Variants in MAPK8IP1 observed in about 807,000 individuals in gnomAD.
MAPK8IP1 encodes C-Jun-amino-terminal kinase-interacting protein 1.
MAPK8IP1 carries 17 observed loss-of-function variants against 72.6 expected under a neutral mutation model. The observed-to-expected ratio is 0.23, with a 90% confidence interval of 0.16 to 0.35. MAPK8IP1 has a LOEUF of 0.35. MAPK8IP1 is among the 10% of genes least tolerant of loss of function. The pLI is 1.00. For synonymous variants in MAPK8IP1, 401 were observed against 443.4 expected (o/e 0.90, Z 1.20); for missense variants, 789 against 1,009.7 (o/e 0.78, Z 2.96).
intron 1 of MAPK8IP1, chr11:45,897,071 G>T: frequency 1.9e-6 from 2 of 1,034,106 alleles, no homozygotes; most frequent in Non-Finnish European, 2.9e-6. Context: ...GTTCCCCTGG[G>T]GGCTAAGCCA....
intron 1 of MAPK8IP1, among the ~76,000 whole-genome samples, chr11:45,892,940 A>G (rs1293269460): frequency 6.6e-6 from 1 of 152,180 alleles, no homozygotes; most frequent in Non-Finnish European, 1.5e-5. Context: ...CTGAGAACTC[A>G]CTGGGAGCCA....
At chr11:45,890,032 C>G (rs1019089781) in intron 1 of MAPK8IP1, among the ~76,000 whole-genome samples, 3 of 152,180 alleles carry the variant, frequency 2.0e-5, no homozygotes, top group African/African-American at 7.2e-5. Context: ...CTCAGCGGGT[C>G]TAGACAGGCC....
At position 45,905,729 on chromosome 11, in the gene MAPK8IP1, G is replaced by C; in HGVS notation, c.*8G>C. On this transcript the variant is annotated 3_prime_UTR_variant, in exon 12 of 12. Coordinates refer to ENST00000241014, the MANE Select transcript of MAPK8IP1 (RefSeq NM_005456.4). Reference sequence around the variant, plus strand: ...GATATCTACCTGGAGTAGCTGTGCAGCCCCGCCCTCTGCGTCCCCCAGCCC... The same window carrying C: ...GATATCTACCTGGAGTAGCTGTGCACCCCCGCCCTCTGCGTCCCCCAGCCC... 1.9e-6 allele frequency: 3 copies of C among 1,612,764 alleles called. No homozygotes were observed. The Middle Eastern group carries it at 5.3e-4, about 284-fold the overall frequency.
chr11:45,903,104 A>T lies in MAPK8IP1; in HGVS notation c.1337A>T (p.Asp446Val). 6.2e-7 allele frequency: 1 copy of T among 1,610,424 alleles called. No homozygotes were observed. The highest frequency in any genetic ancestry group is 8.5e-7 in the Non-Finnish European group (1 of 1,179,202). The change falls in exon 5 of 12, where the codon GAC becomes GTC. Residue 446 changes from aspartate to valine, a missense_variant. This residue lies in a region of MAPK8IP1 where 377 missense variants were observed against 411.7 expected (regional missense o/e 0.92). Coordinates refer to ENST00000241014, the MANE Select transcript of MAPK8IP1 (RefSeq NM_005456.4). The surrounding 1 kb of genome is among the most constrained non-coding windows in gnomAD (Gnocchi z 6.4). ...CAGCCCCCTGCCTGCCTCTCCGAGG[A>T]CTCCACGCCTGATGAACCCGACGTC... ...RPQPPACLSE[D>V]STPDEPDVHF...
chr11:45,897,626 T>TGGGGCACTCCTCTGAGGCTGCTGCC (rs1215751112), intron 1 of MAPK8IP1, among the ~76,000 whole-genome samples: 1 of 152,188 alleles, frequency 6.6e-6, no homozygotes, highest in African/African-American at 2.4e-5. Context: ...AGCTGGGGCG[T>TGGGGCACTCCTCTGAGGCTGCTGCC]GGGGCACTCC....
chr11:45,904,744 G>A lies in MAPK8IP1; in HGVS notation c.1803G>A (p.Val601=), dbSNP rs1434148840. 10 of 1,613,856 alleles carry A rather than the reference G, an allele frequency of 6.2e-6. No homozygotes were observed. The Admixed American group carries it at 1.3e-4, about 22-fold the overall frequency. The part of the protein sequence containing the change: ...QKIATTRRLT[V]HFNPPSSCVL... ...TTGCCACCACCCGCCGGCTCACCGT[G>A]CACTTTAACCCGCCCTCCAGCTGTG... is the stretch of plus-strand genomic sequence containing the variant. The change falls in exon 9 of 12, where the codon GTG becomes GTA. Residue 601 remains valine (V), a synonymous_variant. Transcript: ENST00000241014. This position sits in a 1 kb window ranked among gnomAD's most constrained non-coding sequence, Gnocchi z 6.4.
chr11:45,902,235 GGCCCCAGAGCCTGCGAAGGGCCTGTT>G lies in MAPK8IP1; in HGVS notation c.605-132_605-107del. 1.0e-6 allele frequency: 1 copy of G among 976,342 alleles called. No homozygotes were observed. Among genetic ancestry groups the G allele is most frequent in the Non-Finnish European group, 1.6e-6 (1 of 617,204 alleles). 60.5% of individuals were successfully genotyped at this position (976,342 alleles called of 1,614,324 possible). A position where few individuals can be genotyped will look rare whatever the true frequency, so the allele number is the denominator to read the frequency against. On this transcript the variant is annotated intron_variant, in intron 4 of 11. Coordinates refer to ENST00000241014, the MANE Select transcript of MAPK8IP1 (RefSeq NM_005456.4). This position sits in a 1 kb window ranked among gnomAD's most constrained non-coding sequence, Gnocchi z 9.3. ...CAGTGGTGGCATGAGTGAGTTGACT[GGCCCCAGAGCCTGCGAAGGGCCTGTT>G]GCCCAGGGAGGCTTTGTCTTGGTTT...
chr11:45,902,249 C>A lies in MAPK8IP1; in HGVS notation c.605-123C>A, dbSNP rs75998606. 6,918 of 1,014,258 alleles carry A rather than the reference C, an allele frequency of 6.8e-3. 284 individuals carry two copies. The African/African-American group carries it at 0.093, about 14-fold the overall frequency. The allele number at this position is 1,014,258 out of a possible 1,614,324, so 62.8% of individuals were successfully genotyped here. A position where few individuals can be genotyped will look rare whatever the true frequency, so the allele number is the denominator to read the frequency against. ...GTGAGTTGACTGGCCCCAGAGCCTG[C>A]GAAGGGCCTGTTGCCCAGGGAGGCT... On this transcript the variant is annotated intron_variant, in intron 4 of 11. Transcript: ENST00000241014. This position sits in a 1 kb window ranked among gnomAD's most constrained non-coding sequence, Gnocchi z 9.3.
chr11:45,905,056 GA>G lies in MAPK8IP1; in HGVS notation c.1964+16del. 1.2e-6 allele frequency: 2 copies of G among 1,614,098 alleles called. No homozygotes were observed. Among genetic ancestry groups the G allele is most frequent in the Non-Finnish European group, 1.7e-6 (2 of 1,180,000 alleles). On this transcript the variant is annotated intron_variant, in intron 10 of 11. Transcript: ENST00000241014. ...AAGAACAACAAGTAAGTGGGGGTGG[GA>G]TGGCAGTGGAGGAGGCACGGGTGGT...
chr11:45,906,265 T>C lies in MAPK8IP1; in HGVS notation c.*544T>C. On this transcript the variant is annotated 3_prime_UTR_variant, in exon 12 of 12. Coordinates refer to ENST00000241014, the MANE Select transcript of MAPK8IP1 (RefSeq NM_005456.4). ...AGTCCCTGTTCTCAGCTCCGTCATC[T>C]GCGGGGCTTCTGGGTGGCTCCTGCC... The C allele has an allele frequency of 2.9e-6, 1 of 339,298 alleles. No homozygotes were observed. The highest frequency in any genetic ancestry group is 5.4e-6 in the Non-Finnish European group (1 of 186,638). The allele number at this position is 339,298 out of a possible 1,614,324, so 21.0% of individuals were successfully genotyped here.
intron 1 of MAPK8IP1, among the ~76,000 whole-genome samples, chr11:45,897,198 C>G (rs1179992027): frequency 1.3e-5 from 2 of 151,724 alleles, no homozygotes; most frequent in African/African-American, 2.4e-5. Flanking sequence ...TGTTCTACCC[C>G]CCCACCACCC....
At chr11:45,896,102 G>A (rs769261729) in intron 1 of MAPK8IP1, among the ~76,000 whole-genome samples, 1 of 152,222 alleles carries the variant, frequency 6.6e-6, no homozygotes, top group African/African-American at 2.4e-5. Context: ...GGGAGAGGAA[G>A]CTCATTACCA....
intron 1 of MAPK8IP1, among the ~76,000 whole-genome samples, chr11:45,894,753 G>T (rs1047726775): frequency 1.3e-5 from 2 of 152,190 alleles, no homozygotes; most frequent in East Asian, 3.9e-4. Context: ...CAGGAGCAAG[G>T]GGAGGAAGGG....
chr11:45,887,649 T>C (rs2086537811), intron 1 of MAPK8IP1, among the ~76,000 whole-genome samples: 2 of 152,218 alleles, frequency 1.3e-5, no homozygotes, highest in African/African-American at 2.4e-5. Flanking sequence ...CATAGATGCT[T>C]TAATGAGAGG....
intron 10 of MAPK8IP1, 33 bp from the exon 11 acceptor site, chr11:45,905,118 C>A: frequency 6.2e-7 from 1 of 1,611,680 alleles, no homozygotes; most frequent in Non-Finnish European, 8.5e-7. Context: ...GGGCCGAGCC[C>A]CCGTCCCAGC....
At chr11:45,886,883 G>T (rs2086531724) in intron 1 of MAPK8IP1, among the ~76,000 whole-genome samples, 1 of 152,120 alleles carries the variant, frequency 6.6e-6, no homozygotes, top group Admixed American at 6.5e-5. Flanking sequence ...CTCCAGCTGG[G>T]CTGTGGTGCC....
intron 1 of MAPK8IP1, 110 bp from the exon 2 acceptor site, chr11:45,897,975 C>G: frequency 1.4e-6 from 1 of 711,358 alleles, no homozygotes; most frequent in South Asian, 1.5e-5. Context: ...ATCCTGTCCT[C>G]TGGGGGCTGT....
In MAPK8IP1 at chr11:45,902,440, C is replaced by T. The variant is rs767834586; in HGVS notation, c.673C>T (p.Pro225Ser). The change falls in exon 5 of 12, where the codon CCC (proline) becomes TCC (serine). Residue 225 changes from proline (P) to serine (S), a missense_variant. Coordinates refer to ENST00000241014, the MANE Select transcript of MAPK8IP1 (RefSeq NM_005456.4). This position sits in a 1 kb window ranked among gnomAD's most constrained non-coding sequence, Gnocchi z 9.3. ...GCTGCCCCCCCAGAGCGGCCCCGCC[C>T]CCACCACAGATCGAGGCACCTCCAC... is the stretch of plus-strand genomic sequence containing the variant. ...DELPPQSGPA[P>S]TTDRGTSTDS... 2 of 1,594,668 alleles carry T rather than the reference C, an allele frequency of 1.3e-6. No homozygotes were observed. The highest frequency in any genetic ancestry group is 1.7e-5 in the Admixed American group (1 of 57,194).
chr11:45,889,776 C>T (rs953609829), intron 1 of MAPK8IP1, among the ~76,000 whole-genome samples: 6 of 152,078 alleles, frequency 3.9e-5, no homozygotes, highest in African/African-American at 1.4e-4. Flanking sequence ...GCCATGGCTG[C>T]CTGGATGGTT....
Sources: gnomAD v4.1 joint callset for allele counts (sites outside exome capture counted in the v4.1 genomes callset) on GRCh38, gnomAD v4.1.1 for gene constraint, gnomAD v4.1.1 regional missense constraint, Gnocchi (gnomAD v3.1) non-coding constraint, MANE v1.5 for transcripts, NCBI Gene and HGNC (gene_info 2026-07-23, HGNC 2026-07-21) for gene names.